Variants in WASF2 observed in about 807,000 individuals in gnomAD.
WASF2 encodes the protein actin-binding protein WASF2.
In WASF2, 14 loss-of-function variants were observed where a neutral mutation model predicts 45.0. The observed-to-expected ratio is 0.31, with a 90% CI of 0.21 to 0.49. WASF2 has a LOEUF of 0.49. Among genes scored for constraint, WASF2 ranks in the 20% least tolerant of loss-of-function variants. WASF2 has a pLI of 0.99. For synonymous variants in WASF2, 200 were observed against 236.3 expected, an observed-to-expected ratio of 0.85 and a Z score of 1.41; for missense variants, 439 against 636.1, an observed-to-expected ratio of 0.69 and a Z score of 3.33.
At chr1:27,467,965 ACT>A (rs2017638761) in intron 1 of WASF2, among the ~76,000 whole-genome samples, 2 of 150,784 alleles carry the variant, frequency 1.3e-5, no homozygotes, top group Admixed American at 1.3e-4. Flanking sequence ...ACAGGGTCTC[ACT>A]CTGTCGCCCA....
intron 3 of WASF2, 28 bp from the exon 4 acceptor site, chr1:27,418,450 A>G: frequency 6.2e-7 from 1 of 1,614,138 alleles, no homozygotes; most frequent in Non-Finnish European, 8.5e-7. Context: ...GCGTTAGAAA[A>G]TGGACGACAG....
At chr1:27,408,497 G>T in intron 8 of WASF2, 151 bp from the exon 9 acceptor site, 1 of 1,155,732 alleles carries the variant, frequency 8.7e-7, no homozygotes, top group Non-Finnish European at 1.2e-6. Flanking sequence ...AGAAGAAGAT[G>T]AGTTTATGAA....
At chr1:27,488,930 T>G (rs1256571419) in intron 1 of WASF2, among the ~76,000 whole-genome samples, 1 of 152,142 alleles carries the variant, frequency 6.6e-6, no homozygotes, top group African/African-American at 2.4e-5. Context: ...CAAGAGTCAC[T>G]GTAAAAAAAT....
intron 1 of WASF2, among the ~76,000 whole-genome samples, chr1:27,451,461 A>G (rs775444580): frequency 5.9e-5 from 9 of 152,222 alleles, no homozygotes; most frequent in Non-Finnish European, 1.0e-4. Context: ...GATGAGACTA[A>G]TAAGGCAGAC....
At chr1:27,442,588 G>A (rs1395114008) in intron 1 of WASF2, among the ~76,000 whole-genome samples, 1 of 151,620 alleles carries the variant, frequency 6.6e-6, no homozygotes, top group South Asian at 2.1e-4. Flanking sequence ...GCCAGGCGTG[G>A]TGCCTCATGC....
chr1:27,487,750 T>C (rs2148149595), intron 1 of WASF2, among the ~76,000 whole-genome samples: 1 of 129,666 alleles, frequency 7.7e-6, no homozygotes, highest in African/African-American at 2.9e-5. Context: ...TATCATATTA[T>C]ATAATGTATA....
intron 1 of WASF2, among the ~76,000 whole-genome samples, chr1:27,461,817 T>C (rs968973633): frequency 6.6e-6 from 1 of 150,992 alleles, no homozygotes; most frequent in African/African-American, 2.4e-5. Context: ...TACACACCAA[T>C]AGGCCTGGTT....
At chr1:27,485,447 A>T (rs1018289089) in intron 1 of WASF2, among the ~76,000 whole-genome samples, 1 of 152,094 alleles carries the variant, frequency 6.6e-6, no homozygotes, top group Non-Finnish European at 1.5e-5. Flanking sequence ...AAGAAAATAA[A>T]AGAAATAAAA....
At chr1:27,448,652 A>T (rs2148123592) in intron 1 of WASF2, among the ~76,000 whole-genome samples, 1 of 152,130 alleles carries the variant, frequency 6.6e-6, no homozygotes, top group South Asian at 2.1e-4. Context: ...GGAGTTCGAG[A>T]CCAGCTTGGC....
chr1:27,452,223 G>A (rs1257264688), intron 1 of WASF2, among the ~76,000 whole-genome samples: 1 of 152,182 alleles, frequency 6.6e-6, no homozygotes, highest in East Asian at 1.9e-4. Flanking sequence ...AAAAAAATAG[G>A]CCAGACGCAG....
chr1:27,456,828 C>A (rs933171294), intron 1 of WASF2, among the ~76,000 whole-genome samples: 9 of 151,376 alleles, frequency 5.9e-5, no homozygotes, highest in Non-Finnish European at 8.8e-5. Flanking sequence ...CTCCGCCTCA[C>A]GGGTTCAAGT....
Position 27,430,902 on chromosome 1 carries a change from C to G in WASF2, c.-43-1969G>C, listed in dbSNP as rs541129541. On this transcript the variant is annotated intron_variant, in intron 1 of 8. Coordinates refer to ENST00000618852, the MANE Select transcript of WASF2 (RefSeq NM_006990.5). ...AAACGTTGACTGTGAATACAAAATG[C>G]TTAAACCAAACTAAATATTACAGAC... Among the ~76,000 whole-genome samples, 3 of 151,326 alleles carry G rather than the reference C, an allele frequency of 2.0e-5. No homozygotes were observed. In the South Asian group the frequency reaches 6.3e-4, roughly 32 times the overall value.
intron 2 of WASF2, 116 bp downstream of exon 2, chr1:27,428,645 C>T: frequency 5.3e-6 from 8 of 1,497,618 alleles, no homozygotes; most frequent in Admixed American, 1.8e-5. Flanking sequence ...GATACATTTT[C>T]GCATTACCTA....
At chr1:27,478,746 ATAATTTTTTGTATTTTT>A (rs2017805857) in intron 1 of WASF2, among the ~76,000 whole-genome samples, 1 of 151,788 alleles carries the variant, frequency 6.6e-6, no homozygotes, top group Non-Finnish European at 1.5e-5. Context: ...CCACACCCAG[ATAATTTTTTGTATTTTT>A]AGTAGAGACA....
At chr1:27,450,843 C>T (rs868469569) in intron 1 of WASF2, among the ~76,000 whole-genome samples, 1 of 152,070 alleles carries the variant, frequency 6.6e-6, no homozygotes. Context: ...CCTCCCTTCC[C>T]TCCCTTCTTC....
intron 1 of WASF2, among the ~76,000 whole-genome samples, chr1:27,462,956 A>G (rs1387349542): frequency 6.6e-6 from 1 of 151,876 alleles, no homozygotes; most frequent in East Asian, 1.9e-4. Context: ...AGTAGCTGGG[A>G]TTACAGGTGC....
intron 1 of WASF2, among the ~76,000 whole-genome samples, chr1:27,489,459 C>T (rs1046471549): frequency 1.4e-5 from 2 of 138,772 alleles, no homozygotes; most frequent in Non-Finnish European, 3.1e-5. Flanking sequence ...TACGTACACA[C>T]ACACACACAC....
intron 1 of WASF2, among the ~76,000 whole-genome samples, chr1:27,448,894 G>C (rs532221627): frequency 6.7e-6 from 1 of 149,376 alleles, no homozygotes; most frequent in Non-Finnish European, 1.5e-5. Context: ...ATATGCCTTC[G>C]GTTTCATCTC....
At chr1:27,461,522 G>A (rs187231485) in intron 1 of WASF2, among the ~76,000 whole-genome samples, 5 of 149,090 alleles carry the variant, frequency 3.4e-5, no homozygotes, top group Middle Eastern at 3.5e-3. Flanking sequence ...GTGCAGTGAC[G>A]ACGGATCTTG....
Sources: gnomAD v4.1 joint callset for allele counts (sites outside exome capture counted in the v4.1 genomes callset) on GRCh38, gnomAD v4.1.1 for gene constraint, MANE v1.5 for transcripts, NCBI Gene and HGNC (gene_info 2026-07-23, HGNC 2026-07-21) for gene names.